The following KAZN variants were observed in gnomAD, a reference collection of about 807,000 sequenced individuals.
KAZN encodes the protein kazrin.
Under a neutral mutation model 87.4 loss-of-function variants are expected in KAZN, and 40 were observed. The ratio of observed to expected loss-of-function variants is 0.46; its 90% CI spans 0.36 to 0.60. KAZN has a LOEUF of 0.60. KAZN is among the 20% of genes least tolerant of loss of function. KAZN has a pLI of 0.00. For missense variants in KAZN, 898 were observed against 1,073.9 expected, an observed-to-expected ratio of 0.84 and a Z score of 2.29; for synonymous variants, 466 against 458.3, an observed-to-expected ratio of 1.02 and a Z score of -0.22.
intron 1 of KAZN, among the ~76,000 whole-genome samples, chr1:13,960,952 G>C (rs1210486382): frequency 6.6e-6 from 1 of 152,166 alleles, no homozygotes; most frequent in East Asian, 1.9e-4. Flanking sequence ...CTGAGAAGGG[G>C]ACAGTTACTC....
chr1:14,986,078 G>A (rs1557687934), intron 2 of KAZN, among the ~76,000 whole-genome samples: 1 of 151,536 alleles, frequency 6.6e-6, no homozygotes, highest in Non-Finnish European at 1.5e-5. Flanking sequence ...AAGATTAAAG[G>A]ACAATCAGGA....
intron 1 of KAZN, among the ~76,000 whole-genome samples, chr1:14,791,745 GCTCC>G (rs1557493745): frequency 6.6e-6 from 1 of 152,238 alleles, no homozygotes; most frequent in African/African-American, 2.4e-5. Context: ...GCAGAGAGCA[GCTCC>G]CGGCCTCCCT....
intron 2 of KAZN, among the ~76,000 whole-genome samples, chr1:14,331,498 C>A (rs912894485): frequency 2.6e-5 from 4 of 152,160 alleles, no homozygotes; most frequent in African/African-American, 9.7e-5. Flanking sequence ...TACTTTTATA[C>A]CTTACTGCTG....
intron 2 of KAZN, among the ~76,000 whole-genome samples, chr1:14,218,979 AT>A (rs1189423369): frequency 3.3e-5 from 5 of 152,176 alleles, no homozygotes; most frequent in African/African-American, 7.2e-5. Context: ...TACTATTAAT[AT>A]CTCTATAGTT....
chr1:13,948,565 A>G (rs968674196), intron 1 of KAZN, among the ~76,000 whole-genome samples: 13 of 152,302 alleles, frequency 8.5e-5, no homozygotes, highest in South Asian at 2.1e-4. Flanking sequence ...GAACGGACTC[A>G]TACACATCTG....
At chr1:14,704,632 G>T (rs1164682928) in intron 1 of KAZN, among the ~76,000 whole-genome samples, 1 of 152,144 alleles carries the variant, frequency 6.6e-6, no homozygotes, top group African/African-American at 2.4e-5. Context: ...GACATCACGG[G>T]CTTCAGGGAT....
intron 1 of KAZN, among the ~76,000 whole-genome samples, chr1:14,672,862 G>T (rs1639994377): frequency 6.6e-6 from 1 of 152,132 alleles, no homozygotes; most frequent in Admixed American, 6.6e-5. Context: ...GCACAGGATA[G>T]GGCTACCATA....
intron 1 of KAZN, among the ~76,000 whole-genome samples, chr1:14,076,482 G>T (rs779894443): frequency 1.3e-5 from 2 of 152,086 alleles, no homozygotes; most frequent in African/African-American, 2.4e-5. Context: ...CCAACACCTT[G>T]ATCTCAGACT....
At chr1:14,199,280 C>T (rs142255335) in intron 2 of KAZN, among the ~76,000 whole-genome samples, 23 of 152,220 alleles carry the variant, frequency 1.5e-4, no homozygotes, top group Non-Finnish European at 2.5e-4. Flanking sequence ...CCACCCTCAC[C>T]GCCCTTTTCT....
Position 13,931,312 on chromosome 1 carries a change from A to T in KAZN, c.91+37556A>T, listed in dbSNP as rs536715657. ...TTGAAAACTGTAAACATAAATTAAT[A>T]ATTCTCCCTCCAAATAGCAGTGCAG... On this transcript the variant is annotated intron_variant, in intron 1 of 16. Coordinates refer to the KAZN transcript ENST00000636203. 6.2e-4 allele frequency among the ~76,000 whole-genome samples: 95 copies of T among 152,280 alleles called. 2 individuals are homozygous for T. Among genetic ancestry groups the T allele is most frequent in the Middle Eastern group, 3.4e-3 (1 of 294 alleles).
chr1:14,263,818 T>A (rs1651265235), intron 2 of KAZN, among the ~76,000 whole-genome samples: 1 of 152,226 alleles, frequency 6.6e-6, no homozygotes, highest in South Asian at 2.1e-4. Context: ...GCATGCTGCC[T>A]CTTAGAGACC....
chr1:15,058,958 G>T (rs2100511493), intron 5 of KAZN, among the ~76,000 whole-genome samples: 1 of 152,130 alleles, frequency 6.6e-6, no homozygotes, highest in South Asian at 2.1e-4. Context: ...GGAAGCAGAG[G>T]TTGTGGCGAG....
At chr1:14,149,747 T>C (rs1645433967) in intron 1 of KAZN, among the ~76,000 whole-genome samples, 1 of 152,228 alleles carries the variant, frequency 6.6e-6, no homozygotes, top group African/African-American at 2.4e-5. Context: ...TAAATAAGTA[T>C]GAGTCCATCG....
chr1:14,313,196 T>G (rs1419827209), intron 2 of KAZN, among the ~76,000 whole-genome samples: 1 of 152,168 alleles, frequency 6.6e-6, no homozygotes, highest in African/African-American at 2.4e-5. Context: ...AGCTGTGCTC[T>G]ATACTTCATG....
chr1:14,491,711 T>C (rs1287002538), intron 2 of KAZN, among the ~76,000 whole-genome samples: 1 of 152,218 alleles, frequency 6.6e-6, no homozygotes, highest in Non-Finnish European at 1.5e-5. Flanking sequence ...TGTTATCTAA[T>C]ACATTGTCAG....
At chr1:14,291,717 A>G (rs796417386) in intron 2 of KAZN, among the ~76,000 whole-genome samples, 8 of 152,294 alleles carry the variant, frequency 5.3e-5, no homozygotes, top group African/African-American at 1.4e-4. Flanking sequence ...TCCCAAAGAG[A>G]TGAACCAGGT....
chr1:13,918,151 G>C (rs770529718), intron 1 of KAZN, among the ~76,000 whole-genome samples: 3 of 152,228 alleles, frequency 2.0e-5, no homozygotes, highest in Admixed American at 6.5e-5. Flanking sequence ...AGCTGTCACA[G>C]ATAGTGATTC....
intron 1 of KAZN, among the ~76,000 whole-genome samples, chr1:14,753,053 T>C (rs976904550): frequency 6.6e-6 from 1 of 152,154 alleles, no homozygotes; most frequent in Non-Finnish European, 1.5e-5. Flanking sequence ...GCTTTTAATT[T>C]ATACAGTGGT....
At chr1:14,546,933 T>C (rs988435909) in intron 2 of KAZN, among the ~76,000 whole-genome samples, 1 of 152,208 alleles carries the variant, frequency 6.6e-6, no homozygotes, top group African/African-American at 2.4e-5. Flanking sequence ...AAAAGCATCT[T>C]GTCCAGTCCC....
Sources: allele counts gnomAD v4.1 joint callset (sites outside exome capture counted in the v4.1 genomes callset), GRCh38; gene constraint gnomAD v4.1.1; transcripts MANE v1.5; gene names NCBI Gene and HGNC (gene_info 2026-07-23, HGNC 2026-07-21).